CHL1: variants seen among roughly 807,000 people sequenced by gnomAD.
CHL1 encodes neural cell adhesion molecule L1-like protein.
CHL1 carries 96 observed loss-of-function variants against 141.9 expected under a neutral mutation model. That is an observed-to-expected ratio of 0.68 (90% CI 0.57 to 0.80). The LOEUF (loss-of-function observed/expected upper bound fraction) is 0.80, where lower values mean the gene tolerates loss of function less well. CHL1 is among the 30% of genes least tolerant of loss of function. The probability of loss-of-function intolerance (pLI) is 0.00; values close to 1 mark genes in which losing one functional copy is unlikely to be tolerated. For synonymous variants in CHL1, 613 were observed against 502.2 expected (o/e 1.22, Z -2.95); for missense variants, 1,820 against 1,457.2 (o/e 1.25, Z -4.05).
rs918644180 is a variant in CHL1 at position 394,782 on chromosome 3, A to G, written c.3004A>G (p.Thr1002Ala). 2 of 1,613,968 alleles carry G rather than the reference A, an allele frequency of 1.2e-6. No individual in the cohort carries two copies. The highest frequency in any genetic ancestry group is 2.7e-5 in the African/African-American group (2 of 74,922). Reference protein sequence around the residue: ...PSWHLSNLNATTKYKFYLRAC... With the variant: ...PSWHLSNLNAATKYKFYLRAC... Reference sequence around the variant, plus strand: ...CTGGCACCTCTCAAACCTGAATGCAACTACCAAGTACAAATTCTACTTGAG... The same window carrying G: ...CTGGCACCTCTCAAACCTGAATGCAGCTACCAAGTACAAATTCTACTTGAG... Residue 1002 changes from threonine to alanine, a missense_variant, in exon 24 of 28, where the codon ACT becomes GCT. Transcript: ENST00000256509.
chr3:276,349 T>C (rs1453139183), intron 2 of CHL1, among the ~76,000 whole-genome samples: 1 of 152,212 alleles, frequency 6.6e-6, no homozygotes, highest in African/African-American at 2.4e-5. Flanking sequence ...AAGAGTGTTA[T>C]AACCTTTCTT....
chr3:398,859 C>T (rs888802160), intron 25 of CHL1, among the ~76,000 whole-genome samples, 158 bp from the exon 26 acceptor site: 1 of 152,148 alleles, frequency 6.6e-6, no homozygotes, highest in South Asian at 2.1e-4. Flanking sequence ...CCAGTATTCT[C>T]CCATTAACAT....
intron 1 of CHL1, among the ~76,000 whole-genome samples, chr3:206,269 G>T (rs561237333): frequency 2.6e-5 from 4 of 151,930 alleles, no homozygotes; most frequent in African/African-American, 9.7e-5. Context: ...GGAGTTTGAG[G>T]CCAGCCTGGC....
At chr3:389,962 G>A (rs1708085302) in intron 20 of CHL1, among the ~76,000 whole-genome samples, 1 of 152,080 alleles carries the variant, frequency 6.6e-6, no homozygotes, top group Non-Finnish European at 1.5e-5. Context: ...CATAGTAACT[G>A]CTGCAAATAG....
intron 2 of CHL1, among the ~76,000 whole-genome samples, chr3:303,772 G>T (rs1698972016): frequency 6.6e-6 from 1 of 152,200 alleles, no homozygotes; most frequent in Non-Finnish European, 1.5e-5. Flanking sequence ...TTGAATAGGA[G>T]TGGTGAGAGA....
intron 1 of CHL1, among the ~76,000 whole-genome samples, chr3:204,121 C>T (rs1183174863): frequency 6.6e-6 from 1 of 152,210 alleles, no homozygotes. Flanking sequence ...AACTTCAAAA[C>T]AAATTTGTCC....
chr3:383,052 T>A (rs569259740), intron 18 of CHL1, among the ~76,000 whole-genome samples: 4 of 152,186 alleles, frequency 2.6e-5, no homozygotes, highest in Non-Finnish European at 5.9e-5. Flanking sequence ...CAATCTAAAT[T>A]TCCAAGATGC....
intron 1 of CHL1, among the ~76,000 whole-genome samples, chr3:205,641 CTGTG>C (rs141526826): frequency 2.7e-5 from 4 of 150,396 alleles, no homozygotes; most frequent in African/African-American, 7.3e-5. Flanking sequence ...TTGTGTGTGT[CTGTG>C]TGTGTGTGTG....
chr3:252,977 C>G (rs1463767161), intron 2 of CHL1, among the ~76,000 whole-genome samples: 1 of 151,676 alleles, frequency 6.6e-6, no homozygotes, highest in African/African-American at 2.4e-5. Context: ...ATTAGCATGG[C>G]CTAATTATCT....
intron 3 of CHL1, among the ~76,000 whole-genome samples, chr3:321,917 T>C (rs1445790382): frequency 1.3e-5 from 2 of 152,098 alleles, no homozygotes; most frequent in African/African-American, 2.4e-5. Context: ...TATATTCTTA[T>C]AAACACCCAA....
At chr3:249,292 T>C (rs989016686) in intron 2 of CHL1, among the ~76,000 whole-genome samples, 1 of 152,188 alleles carries the variant, frequency 6.6e-6, no homozygotes, top group Non-Finnish European at 1.5e-5. Context: ...TAATTTAGTC[T>C]GTCATAATTG....
intron 15 of CHL1, among the ~76,000 whole-genome samples, chr3:374,788 G>C (rs751368351): frequency 1.3e-5 from 2 of 152,138 alleles, no homozygotes; most frequent in Non-Finnish European, 2.9e-5. Context: ...GAAGTCACAG[G>C]TATCTGCTAA....
intron 2 of CHL1, among the ~76,000 whole-genome samples, chr3:290,177 T>G (rs564361671): frequency 6.6e-6 from 1 of 152,112 alleles, no homozygotes; most frequent in Non-Finnish European, 1.5e-5. Context: ...ACAAAAAACA[T>G]AAAAATGAGA....
At chr3:369,122 A>C (rs7618692) in intron 15 of CHL1, among the ~76,000 whole-genome samples, 56,490 of 151,946 alleles carry the variant, frequency 0.37, 10,742 homozygotes, top group Admixed American at 0.45. Flanking sequence ...TTTTTTTCTA[A>C]TTCTGTGTAG....
Position 354,741 on chromosome 3 carries a change from A to C in CHL1, c.1135A>C (p.Lys379Gln), listed in dbSNP as rs200741315. ...EAEGEPQPTI[K>Q]WRVNGSPVDN... Reference sequence around the variant, plus strand: ...TGAAGGAGAACCTCAACCCACAATCAAGTGGAGAGTCAATGGCTCCCCAGT... The same window carrying C: ...TGAAGGAGAACCTCAACCCACAATCCAGTGGAGAGTCAATGGCTCCCCAGT... Residue 379 changes from lysine (K) to glutamine (Q), a missense_variant, in exon 11 of 28, where the codon AAG becomes CAG. Lys to Gln is a moderately conservative substitution (Grantham distance 53). Transcript: ENST00000256509. 5 of 1,613,924 alleles carry C rather than the reference A, an allele frequency of 3.1e-6. No homozygotes were observed. The highest frequency in any genetic ancestry group is 4.2e-6 in the Non-Finnish European group (5 of 1,179,872).
intron 1 of CHL1, among the ~76,000 whole-genome samples, chr3:209,773 C>T (rs563674108): frequency 6.6e-6 from 1 of 152,302 alleles, no homozygotes; most frequent in South Asian, 2.1e-4. Context: ...CAAGTGTTCT[C>T]ATTGAACAGA....
At position 409,387 on chromosome 3, in the gene CHL1, A is replaced by G. The variant is rs1016301221; in HGVS notation, c.*3676A>G. ...ATTATACATGAAATTCAACTTTCCA[A>G]ATAAAAGTTCTACTTCATGTAATCC... is the stretch of plus-strand genomic sequence containing the variant. On this transcript the variant is annotated 3_prime_UTR_variant, in exon 28 of 28. Transcript: ENST00000256509. The G allele has an allele frequency of 2.0e-5, 3 of 152,078 alleles. No individual in the cohort carries two copies. Among genetic ancestry groups the G allele is most frequent in the Non-Finnish European group, 2.9e-5 (2 of 67,978 alleles). The allele number at this position is 152,078 out of a possible 1,614,324, so 9.4% of individuals were successfully genotyped here. A position where few individuals can be genotyped will look rare whatever the true frequency, so the allele number is the denominator to read the frequency against.
chr3:237,421 C>A (rs968718146), intron 1 of CHL1, among the ~76,000 whole-genome samples: 1 of 152,182 alleles, frequency 6.6e-6, no homozygotes, highest in South Asian at 2.1e-4. Context: ...TCAGGAAGTT[C>A]TTTGTAGCAC....
intron 2 of CHL1, among the ~76,000 whole-genome samples, chr3:293,364 A>C (rs990992420): frequency 6.6e-6 from 1 of 152,082 alleles, no homozygotes; most frequent in East Asian, 1.9e-4. Context: ...TTAGCCGGGC[A>C]TGATGGCAGG....
Sources: gnomAD v4.1 joint callset for allele counts (sites outside exome capture counted in the v4.1 genomes callset) on GRCh38, gnomAD v4.1.1 for gene constraint, MANE v1.5 for transcripts, NCBI Gene and HGNC (gene_info 2026-07-23, HGNC 2026-07-21) for gene names.